The following TCF12 variants were observed in gnomAD, a reference collection of about 807,000 sequenced individuals.
TCF12 encodes the protein transcription factor 12, also known as DNA-binding protein HTF4.
Under a neutral mutation model 86.0 loss-of-function variants are expected in TCF12, and 45 were observed. That is an observed-to-expected ratio of 0.52 (90% CI 0.41 to 0.67). The LOEUF (loss-of-function observed/expected upper bound fraction) is 0.67. TCF12 is among the 30% of genes least tolerant of loss of function. The pLI, the probability that TCF12 is intolerant of heterozygous loss-of-function variation, is 0.00. For missense variants in TCF12, 881 were observed against 859.9 expected, an observed-to-expected ratio of 1.02 and a Z score of -0.31; for synonymous variants, 330 against 299.6, an observed-to-expected ratio of 1.10 and a Z score of -1.05.
intron 8 of TCF12, among the ~76,000 whole-genome samples, chr15:57,223,157 T>C (rs1002516520): frequency 1.3e-5 from 2 of 152,010 alleles, no homozygotes; most frequent in Admixed American, 6.5e-5. Flanking sequence ...TAGCTCATTT[T>C]ATAAATAAGG....
At chr15:56,940,478 TCTC>T (rs770271452) in intron 3 of TCF12, among the ~76,000 whole-genome samples, 6,498 of 147,884 alleles carry the variant, frequency 0.044, 382 homozygotes, top group Admixed American at 0.17. Flanking sequence ...TTCTTCTTCT[TCTC>T]CTCCTCCTCC....
At chr15:57,119,797 T>C (rs2051102447) in intron 5 of TCF12, among the ~76,000 whole-genome samples, 1 of 152,156 alleles carries the variant, frequency 6.6e-6, no homozygotes, top group South Asian at 2.1e-4. Flanking sequence ...TTCACCTCTT[T>C]CTCTTAAGCT....
chr15:57,204,820 A>G (rs1285624658), intron 8 of TCF12, among the ~76,000 whole-genome samples: 1 of 152,170 alleles, frequency 6.6e-6, no homozygotes, highest in African/African-American at 2.4e-5. Context: ...GTGGAAATGA[A>G]TAATTTTAAA....
chr15:57,016,524 AGCCTT>A (rs2065161514), intron 3 of TCF12, among the ~76,000 whole-genome samples: 1 of 152,162 alleles, frequency 6.6e-6, no homozygotes, highest in Admixed American at 6.5e-5. Flanking sequence ...TGTTTGTAGT[AGCCTT>A]AATTACATAA....
At chr15:57,065,998 T>C (rs2068843564) in intron 4 of TCF12, among the ~76,000 whole-genome samples, 1 of 152,112 alleles carries the variant, frequency 6.6e-6, no homozygotes, top group Admixed American at 6.5e-5. Context: ...TTTCACTAAT[T>C]TTTCTCCTTC....
chr15:57,123,666 T>C (rs2051399568), intron 5 of TCF12, among the ~76,000 whole-genome samples: 1 of 151,872 alleles, frequency 6.6e-6, no homozygotes, highest in South Asian at 2.1e-4. Flanking sequence ...AAAAAAAGTT[T>C]TAAGGCCGGG....
chr15:57,242,484 G>C (rs1433393530), intron 12 of TCF12, among the ~76,000 whole-genome samples: 1 of 152,020 alleles, frequency 6.6e-6, no homozygotes, highest in Non-Finnish European at 1.5e-5. Context: ...AGGTCAACCT[G>C]ACCAACATGA....
intron 8 of TCF12, among the ~76,000 whole-genome samples, chr15:57,201,615 T>C (rs1386300332): frequency 1.3e-5 from 2 of 152,068 alleles, no homozygotes; most frequent in African/African-American, 4.8e-5. Context: ...TCAGTACAGA[T>C]ATGAGAAGAG....
chr15:57,219,018 T>C lies in TCF12; in HGVS notation c.580-12134T>C, dbSNP rs1001237521. 14 of 1,040,778 alleles carry C rather than the reference T, an allele frequency of 1.3e-5. No individual in the cohort carries two copies. The African/African-American group carries it at 1.7e-4, about 12-fold the overall frequency. 64.5% of individuals were successfully genotyped at this position (1,040,778 alleles called of 1,614,324 possible). ...TCCAATTCCTGATTACTTGATCATGTGTTTATCAAAGTTGAAGCAACTTTA... is the reference window on the plus strand; with the variant it reads ...TCCAATTCCTGATTACTTGATCATGCGTTTATCAAAGTTGAAGCAACTTTA... On this transcript the variant is annotated intron_variant, in intron 8 of 20. Coordinates refer to ENST00000333725, the MANE Select transcript of TCF12 (RefSeq NM_207037.2).
chr15:57,055,732 T>G (rs1017153217), intron 3 of TCF12, among the ~76,000 whole-genome samples: 9 of 152,180 alleles, frequency 5.9e-5, no homozygotes, highest in Non-Finnish European at 1.2e-4. Flanking sequence ...TCTGTATTTT[T>G]GGGTTGTCAG....
At chr15:56,921,683 A>G (rs1595686395) in intron 3 of TCF12, among the ~76,000 whole-genome samples, 1 of 152,036 alleles carries the variant, frequency 6.6e-6, no homozygotes, top group African/African-American at 2.4e-5. Flanking sequence ...AACTAAAGCC[A>G]TGACAGCATC....
intron 3 of TCF12, among the ~76,000 whole-genome samples, chr15:56,963,198 CTAAT>C (rs780007198): frequency 2.0e-5 from 3 of 151,740 alleles, no homozygotes; most frequent in South Asian, 4.2e-4. Flanking sequence ...AACTTGAAGA[CTAAT>C]TGAGCATACA....
At chr15:57,092,188 G>A (rs2049034070) in intron 5 of TCF12, among the ~76,000 whole-genome samples, 2 of 152,160 alleles carry the variant, frequency 1.3e-5, no homozygotes, top group South Asian at 2.1e-4. Context: ...GGGCAGAGAA[G>A]TATTGTTTTA....
chr15:56,998,649 G>A (rs544579036), intron 3 of TCF12, among the ~76,000 whole-genome samples: 27 of 151,870 alleles, frequency 1.8e-4, no homozygotes, highest in Non-Finnish European at 3.1e-4. Context: ...CAGAATCACC[G>A]GGGGTACAGA....
chr15:56,935,849 AT>A (rs2140302358), intron 3 of TCF12, among the ~76,000 whole-genome samples: 1 of 152,304 alleles, frequency 6.6e-6, no homozygotes, highest in Non-Finnish European at 1.5e-5. Context: ...ATGTATATAT[AT>A]ACAGATTCTA....
rs796917625 is a variant in TCF12, at chr15:57,074,363, A to C, written c.222+10540A>C. ...GAAATTTCATGCCCATTTTGATTAA[A>C]AAAAAAAAAAAAAAAAAGATGTTAG... On this transcript the variant is annotated intron_variant, in intron 4 of 20. Transcript: ENST00000333725. Among the ~76,000 whole-genome samples the C allele has an allele frequency of 6.6e-3, 672 of 102,474 alleles. 3 individuals carry two copies. The highest frequency in any genetic ancestry group is 0.021 in the Middle Eastern group (5 of 240). The allele number at this position is 102,474 out of a possible 152,430, so 67.2% of individuals were successfully genotyped here. A position where few individuals can be genotyped will look rare whatever the true frequency, so the allele number is the denominator to read the frequency against.
intron 5 of TCF12, among the ~76,000 whole-genome samples, chr15:57,099,455 TA>T (rs1290569400): frequency 2.0e-5 from 3 of 152,164 alleles, no homozygotes; most frequent in African/African-American, 7.2e-5. Context: ...ATTTGAATTT[TA>T]AAAAAATATT....
intron 3 of TCF12, among the ~76,000 whole-genome samples, chr15:56,931,700 A>G (rs2060255877): frequency 6.6e-6 from 1 of 152,186 alleles, no homozygotes; most frequent in Admixed American, 6.5e-5. Flanking sequence ...AATTAAAAAC[A>G]GGTTATGATT....
At chr15:57,252,098 T>C in intron 14 of TCF12, 1 of 233,958 alleles carries the variant, frequency 4.3e-6, no homozygotes, top group African/African-American at 2.3e-5. Flanking sequence ...GATGGAATGC[T>C]AAGTCATGCT....
Sources: allele counts gnomAD v4.1 joint callset (sites outside exome capture counted in the v4.1 genomes callset), GRCh38; gene constraint gnomAD v4.1.1; transcripts MANE v1.5; gene names NCBI Gene and HGNC (gene_info 2026-07-23, HGNC 2026-07-21).